CSMD1: variants seen among roughly 807,000 people sequenced by gnomAD.
CSMD1 encodes CUB and Sushi multiple domains 1.
Under a neutral mutation model 417.5 loss-of-function variants are expected in CSMD1, and 213 were observed. That is an observed-to-expected ratio of 0.51 (90% CI 0.46 to 0.57). CSMD1 has a LOEUF of 0.57. Ranked by LOEUF, CSMD1 falls within the 20% of genes least tolerant of loss-of-function variation. The pLI, the probability that CSMD1 is intolerant of heterozygous loss-of-function variation, is 0.00. For missense variants in CSMD1, 6,923 were observed against 4,529.7 expected, an observed-to-expected ratio of 1.53 and a Z score of -15.17; for synonymous variants, 2,862 against 1,736.8, an observed-to-expected ratio of 1.65 and a Z score of -16.11.
At chr8:4,761,912 AATCTATCTATCTATCTATCTATCTATCT>A (rs60693169) in intron 1 of CSMD1, among the ~76,000 whole-genome samples, 1 of 101,268 alleles carries the variant, frequency 9.9e-6, no homozygotes, top group African/African-American at 4.0e-5. Context: ...TCTATCTATC[AATCTATCTATCTATCTATCTATCTATCT>A]ATCTATCTAT....
chr8:4,839,955 T>C (rs551223568), intron 1 of CSMD1, among the ~76,000 whole-genome samples: 1 of 152,092 alleles, frequency 6.6e-6, no homozygotes. Context: ...AGACCAAAAG[T>C]CTTCAGTGTT....
At chr8:3,275,341 T>A (rs528890648) in intron 26 of CSMD1, among the ~76,000 whole-genome samples, 2 of 152,258 alleles carry the variant, frequency 1.3e-5, no homozygotes, top group East Asian at 3.9e-4. Flanking sequence ...ACCCAACCTT[T>A]CTCTCTGGCT....
chr8:4,183,237 C>G (rs1015432730), intron 3 of CSMD1, among the ~76,000 whole-genome samples: 4 of 152,074 alleles, frequency 2.6e-5, no homozygotes, highest in Admixed American at 6.6e-5. Context: ...AAGATCATCT[C>G]TAAGAAAATT....
At chr8:4,412,518 T>C (rs1452253171) in intron 3 of CSMD1, among the ~76,000 whole-genome samples, 1 of 152,168 alleles carries the variant, frequency 6.6e-6, no homozygotes, top group African/African-American at 2.4e-5. Flanking sequence ...CAATTACACC[T>C]ATTTTATCGG....
chr8:4,808,121 T>A (rs1431636340), intron 1 of CSMD1, among the ~76,000 whole-genome samples: 1 of 152,136 alleles, frequency 6.6e-6, no homozygotes, highest in Non-Finnish European at 1.5e-5. Flanking sequence ...TCCTGGGTGC[T>A]ACACAAAAGA....
intron 5 of CSMD1, among the ~76,000 whole-genome samples, chr8:3,793,501 C>A (rs551601956): frequency 1.3e-5 from 2 of 150,282 alleles, no homozygotes; most frequent in East Asian, 2.0e-4. Context: ...TCTTGTGCCC[C>A]CCTCTCTAGG....
intron 2 of CSMD1, among the ~76,000 whole-genome samples, chr8:4,484,902 G>A (rs779808445): frequency 2.0e-5 from 3 of 149,192 alleles, no homozygotes; most frequent in Non-Finnish European, 4.4e-5. Context: ...GAACCCGGGA[G>A]GCAGAGGTTG....
intron 17 of CSMD1, among the ~76,000 whole-genome samples, chr8:3,392,637 C>T (rs555393036): frequency 1.5e-4 from 23 of 152,100 alleles, no homozygotes; most frequent in Admixed American, 1.2e-3. Context: ...AGAATCACCT[C>T]GAGGACTTGA....
chr8:4,166,794 G>C (rs972319051), intron 3 of CSMD1, among the ~76,000 whole-genome samples: 1 of 152,140 alleles, frequency 6.6e-6, no homozygotes, highest in African/African-American at 2.4e-5. Flanking sequence ...AAAATGATCA[G>C]GGTGTGTTTA....
rs186797374 is a variant in CSMD1 at position 4,712,092 on chromosome 8, C to T, written c.86-74534G>A. On this transcript the variant is annotated intron_variant, in intron 1 of 69. Transcript: ENST00000635120. The stretch of plus-strand genomic sequence containing the variant: ...TCACTGCCATGAAGAAGAAATTAGG[C>T]AATGCCCCTGGAAGTCAATCAATGG... Among the ~76,000 whole-genome samples, 590 of 152,280 alleles carry T rather than the reference C, an allele frequency of 3.9e-3. 1 individual carries two copies. The highest frequency in any genetic ancestry group is 0.014 in the African/African-American group (569 of 41,556).
intron 5 of CSMD1, among the ~76,000 whole-genome samples, chr8:3,879,653 G>C (rs114022865): frequency 2.0e-5 from 3 of 152,204 alleles, no homozygotes; most frequent in East Asian, 1.9e-4. Context: ...ATCTTTTTCT[G>C]TGTAGACACC....
intron 3 of CSMD1, among the ~76,000 whole-genome samples, chr8:4,390,148 G>A (rs991091999): frequency 5.3e-5 from 8 of 152,084 alleles, no homozygotes; most frequent in Admixed American, 6.5e-5. Flanking sequence ...TTAATTCATT[G>A]TCATCCCATT....
At chr8:3,900,626 G>A (rs531863234) in intron 5 of CSMD1, among the ~76,000 whole-genome samples, 1 of 152,172 alleles carries the variant, frequency 6.6e-6, no homozygotes, top group South Asian at 2.1e-4. Flanking sequence ...ACTAAGTTGG[G>A]TAACAGTGCA....
At chr8:3,904,251 G>C (rs1458056739) in intron 5 of CSMD1, among the ~76,000 whole-genome samples, 1 of 152,180 alleles carries the variant, frequency 6.6e-6, no homozygotes, top group East Asian at 1.9e-4. Flanking sequence ...GAGACGAATA[G>C]CACCTTCCCT....
chr8:4,383,293 G>A (rs1270123059), intron 3 of CSMD1, among the ~76,000 whole-genome samples: 1 of 152,164 alleles, frequency 6.6e-6, no homozygotes. Context: ...GGCAAGATAA[G>A]AATGTTAGGC....
At chr8:3,240,750 A>G (rs1311624167) in intron 26 of CSMD1, among the ~76,000 whole-genome samples, 1 of 152,024 alleles carries the variant, frequency 6.6e-6, no homozygotes, top group African/African-American at 2.4e-5. Flanking sequence ...AGGTTAGGAG[A>G]GTATATGGGT....
chr8:3,744,990 C>T (rs1199550590), intron 6 of CSMD1, among the ~76,000 whole-genome samples: 2 of 152,090 alleles, frequency 1.3e-5, no homozygotes, highest in East Asian at 3.9e-4. Flanking sequence ...CCTAGAGTAG[C>T]TGGGGCTGGG....
At chr8:3,955,867 C>T (rs978694167) in intron 5 of CSMD1, among the ~76,000 whole-genome samples, 4 of 152,218 alleles carry the variant, frequency 2.6e-5, no homozygotes, top group Non-Finnish European at 4.4e-5. Flanking sequence ...TTCCCCCAGG[C>T]TGGGTGCAAT....
At chr8:3,203,096 AG>A (rs1201289103) in intron 31 of CSMD1, among the ~76,000 whole-genome samples, 1 of 152,178 alleles carries the variant, frequency 6.6e-6, no homozygotes, top group Non-Finnish European at 1.5e-5. Flanking sequence ...CTCTTTTTCA[AG>A]AAATATTTAG....
Sources: allele counts gnomAD v4.1 joint callset (sites outside exome capture counted in the v4.1 genomes callset), GRCh38; gene constraint gnomAD v4.1.1; transcripts MANE v1.5; gene names NCBI Gene and HGNC (gene_info 2026-07-23, HGNC 2026-07-21).